The following PRKG1 variants were observed in gnomAD, a reference collection of about 807,000 sequenced individuals.
PRKG1 encodes the protein cGMP-dependent protein kinase 1.
In PRKG1, 35 loss-of-function variants were observed where a neutral mutation model predicts 88.1. The observed-to-expected ratio is 0.40, with a 90% CI of 0.30 to 0.53. The LOEUF (loss-of-function observed/expected upper bound fraction) is 0.53. Among genes scored for constraint, PRKG1 ranks in the 20% least tolerant of loss-of-function variants. The pLI, the probability that PRKG1 is intolerant of heterozygous loss-of-function variation, is 0.59. For missense variants in PRKG1, 540 were observed against 839.8 expected (o/e 0.64, Z 4.41); for synonymous variants, 303 against 292.5 (o/e 1.04, Z -0.37).
At chr10:52,067,296 G>A (rs1032262901) in intron 7 of PRKG1, among the ~76,000 whole-genome samples, 1 of 152,150 alleles carries the variant, frequency 6.6e-6, no homozygotes, top group African/African-American at 2.4e-5. Flanking sequence ...AAATTTGTGT[G>A]TACTCGGAAT....
At chr10:52,005,464 G>A (rs1844709843) in intron 5 of PRKG1, among the ~76,000 whole-genome samples, 1 of 152,096 alleles carries the variant, frequency 6.6e-6, no homozygotes, top group Non-Finnish European at 1.5e-5. Flanking sequence ...AGCAAAGTGT[G>A]TGACCCCACC....
At chr10:51,453,752 C>T (rs938516525) in intron 2 of PRKG1, among the ~76,000 whole-genome samples, 28 of 151,654 alleles carry the variant, frequency 1.8e-4, no homozygotes, top group Admixed American at 9.9e-4. Flanking sequence ...GGAGAATATT[C>T]CAGATAAGAG....
At chr10:52,072,481 T>C (rs963560159) in intron 7 of PRKG1, among the ~76,000 whole-genome samples, 5 of 152,166 alleles carry the variant, frequency 3.3e-5, no homozygotes, top group African/African-American at 1.2e-4. Flanking sequence ...AGTATCATAG[T>C]AACATTTTTT....
At chr10:51,460,785 A>G (rs769513608) in intron 2 of PRKG1, among the ~76,000 whole-genome samples, 3 of 152,158 alleles carry the variant, frequency 2.0e-5, no homozygotes, top group South Asian at 4.1e-4. Context: ...CTTTTCCTTA[A>G]TTATCTTCAA....
intron 2 of PRKG1, among the ~76,000 whole-genome samples, chr10:51,191,073 C>T (rs2132040069): frequency 6.6e-6 from 1 of 151,884 alleles, no homozygotes; most frequent in East Asian, 1.9e-4. Context: ...ACTGTTATAC[C>T]TTGATATATT....
At chr10:52,011,216 A>G (rs1844870317) in intron 5 of PRKG1, among the ~76,000 whole-genome samples, 1 of 152,202 alleles carries the variant, frequency 6.6e-6, no homozygotes. Context: ...TTCTGCCTTC[A>G]GAGGAACATC....
intron 8 of PRKG1, among the ~76,000 whole-genome samples, chr10:52,156,574 T>C (rs1838106770): frequency 6.6e-6 from 1 of 151,818 alleles, no homozygotes; most frequent in South Asian, 2.1e-4. Context: ...TGGATGTGGC[T>C]GGTTTTATTT....
At chr10:51,933,586 A>AATC (rs1356110752) in intron 5 of PRKG1, among the ~76,000 whole-genome samples, 3 of 151,876 alleles carry the variant, frequency 2.0e-5, no homozygotes, top group African/African-American at 7.3e-5. Context: ...GTGAAGTTAG[A>AATC]ATCTCCTAAT....
At chr10:51,108,855 A>G (rs137923746) in intron 1 of PRKG1, among the ~76,000 whole-genome samples, 1 of 152,302 alleles carries the variant, frequency 6.6e-6, no homozygotes, top group East Asian at 1.9e-4. Context: ...ATTATCATCT[A>G]AGTAGAAATT....
chr10:52,036,668 G>T (rs1225392397), intron 5 of PRKG1, among the ~76,000 whole-genome samples: 2 of 152,088 alleles, frequency 1.3e-5, no homozygotes, highest in East Asian at 3.9e-4. Context: ...GGGAAGAAGG[G>T]CGGCAATGAG....
chr10:51,834,698 G>A (rs111757520), intron 4 of PRKG1, among the ~76,000 whole-genome samples: 18,657 of 139,162 alleles, frequency 0.13, 1,589 homozygotes, highest in African/African-American at 0.27. Flanking sequence ...GAAAGAAAGA[G>A]AGAGAGAGAA....
intron 2 of PRKG1, among the ~76,000 whole-genome samples, chr10:51,321,576 C>T (rs1245399971): frequency 6.6e-6 from 1 of 151,976 alleles, no homozygotes; most frequent in Non-Finnish European, 1.5e-5. Context: ...AGCAGTTGAA[C>T]TCATGGAGAT....
At chr10:51,184,895 A>G in intron 2 of PRKG1, among the ~76,000 whole-genome samples, 1 of 152,120 alleles carries the variant, frequency 6.6e-6, no homozygotes, top group East Asian at 1.9e-4. Context: ...TCTGGCACTT[A>G]TATCCCTTGG....
At chr10:51,651,958 AATAG>A (rs1564590689) in intron 3 of PRKG1, among the ~76,000 whole-genome samples, 1 of 152,190 alleles carries the variant, frequency 6.6e-6, no homozygotes, top group Non-Finnish European at 1.5e-5. Context: ...TAAAGCTTTT[AATAG>A]ATGTGTTCCA....
chr10:51,392,705 C>T (rs1433556133), intron 2 of PRKG1, among the ~76,000 whole-genome samples: 3 of 151,270 alleles, frequency 2.0e-5, no homozygotes, highest in Non-Finnish European at 4.4e-5. Context: ...CCAGTAGGGG[C>T]GGCCGGGCAG....
intron 3 of PRKG1, among the ~76,000 whole-genome samples, chr10:51,523,240 C>G (rs950486520): frequency 9.2e-5 from 14 of 152,242 alleles, no homozygotes; most frequent in African/African-American, 1.7e-4. Context: ...CCTGTGCTTG[C>G]TTGGGGAGCA....
chr10:51,157,266 C>T (rs1025067347), intron 2 of PRKG1, among the ~76,000 whole-genome samples: 15 of 151,772 alleles, frequency 9.9e-5, no homozygotes, highest in African/African-American at 3.6e-4. Context: ...AAAAGTGCTA[C>T]CTAGTAGAAG....
intron 9 of PRKG1, among the ~76,000 whole-genome samples, chr10:52,229,415 C>G (rs1840471143): frequency 6.6e-6 from 1 of 152,174 alleles, no homozygotes; most frequent in Non-Finnish European, 1.5e-5. Context: ...ATGGCCAGGT[C>G]TTTTCCCATT....
At chr10:51,474,435 C>T (rs976834351) in intron 3 of PRKG1, among the ~76,000 whole-genome samples, 1 of 151,956 alleles carries the variant, frequency 6.6e-6, no homozygotes, top group Non-Finnish European at 1.5e-5. Flanking sequence ...ATGTTAAGTA[C>T]ATCTGTTGTA....
Sources: gnomAD v4.1 joint callset for allele counts (sites outside exome capture counted in the v4.1 genomes callset) on GRCh38, gnomAD v4.1.1 for gene constraint, MANE v1.5 for transcripts, NCBI Gene and HGNC (gene_info 2026-07-23, HGNC 2026-07-21) for gene names.